Variants in TTC28 observed in about 807,000 individuals in gnomAD.
The protein encoded by TTC28 is tetratricopeptide repeat domain 28, also known as tetratricopeptide repeat protein 28.
A neutral mutation model predicts 198.0 loss-of-function variants in TTC28; 61 were observed. The observed-to-expected ratio is 0.31, with a 90% CI of 0.25 to 0.38. The LOEUF (loss-of-function observed/expected upper bound fraction) is 0.38, where lower values mean the gene tolerates loss of function less well. Ranked by LOEUF, TTC28 falls within the 10% of genes least tolerant of loss-of-function variation. The probability of loss-of-function intolerance (pLI) is 1.00; values close to 1 mark genes in which losing one functional copy is unlikely to be tolerated. For synonymous variants in TTC28, 1,171 were observed against 1,297.8 expected (o/e 0.90, Z 2.10); for missense variants, 2,678 against 3,164.0 (o/e 0.85, Z 3.69).
At chr22:28,315,610 T>C (rs1216552409) in intron 2 of TTC28, among the ~76,000 whole-genome samples, 1 of 152,222 alleles carries the variant, frequency 6.6e-6, no homozygotes, top group Admixed American at 6.5e-5. Context: ...AATGTCCAAT[T>C]GTTCCAATGC....
chr22:28,456,160 GAA>G (rs777082418), intron 2 of TTC28, among the ~76,000 whole-genome samples: 3 of 106,366 alleles, frequency 2.8e-5, no homozygotes. Flanking sequence ...CTCTGTCTCA[GAA>G]AAAAAAAAAA....
chr22:28,311,912 C>A (rs2045265041), intron 2 of TTC28, among the ~76,000 whole-genome samples: 1 of 151,484 alleles, frequency 6.6e-6, no homozygotes, highest in African/African-American at 2.4e-5. Context: ...TACAGACTGG[C>A]AAATTGGATA....
intron 2 of TTC28, among the ~76,000 whole-genome samples, chr22:28,419,205 T>G (rs2047212333): frequency 1.3e-5 from 2 of 152,182 alleles, no homozygotes; most frequent in South Asian, 4.1e-4. Flanking sequence ...ACTCTGTCAA[T>G]ATTTCCTCCA....
intron 2 of TTC28, among the ~76,000 whole-genome samples, chr22:28,610,537 T>C (rs865982229): frequency 3.0e-4 from 46 of 151,990 alleles, no homozygotes; most frequent in African/African-American, 9.4e-4. Flanking sequence ...AGGAATAGCA[T>C]CAACATCAAC....
In TTC28 at chr22:28,096,322, G is replaced by C; in HGVS notation, c.3634C>G (p.Gln1212Glu). 6.4e-7 allele frequency: 1 copy of C among 1,551,990 alleles called. No homozygotes were observed. Among genetic ancestry groups the C allele is most frequent in the Non-Finnish European group, 8.7e-7 (1 of 1,147,040 alleles). ...ACTGGGGAGTAGGGGTCGGAGTCTTGTTGTCCTGTTTGTCGTTCCACCAGA... is the reference window on the plus strand; with the variant it reads ...ACTGGGGAGTAGGGGTCGGAGTCTTCTTGTCCTGTTTGTCGTTCCACCAGA... ...DLLVERQTGQ[Q>E]DSDPYSPVTI... Residue 1212 changes from glutamine to glutamate, a missense_variant, in exon 11 of 23, where the codon CAA (glutamine) becomes GAA (glutamate). Gln to Glu is a conservative substitution (Grantham distance 29). Coordinates refer to ENST00000397906, the MANE Select transcript of TTC28 (RefSeq NM_001145418.2).
chr22:28,056,765 C>T (rs1252462359), intron 12 of TTC28, among the ~76,000 whole-genome samples: 2 of 152,092 alleles, frequency 1.3e-5, no homozygotes, highest in African/African-American at 2.4e-5. Flanking sequence ...TACTTTCATC[C>T]CAGAAAGTTC....
intron 5 of TTC28, among the ~76,000 whole-genome samples, chr22:28,254,325 T>C (rs1024009137): frequency 2.0e-5 from 3 of 151,768 alleles, no homozygotes; most frequent in African/African-American, 7.3e-5. Context: ...AAAACCACAA[T>C]GGAAAAGAAC....
chr22:28,519,320 A>G (rs1286065116), intron 2 of TTC28, among the ~76,000 whole-genome samples: 1 of 152,186 alleles, frequency 6.6e-6, no homozygotes, highest in East Asian at 1.9e-4. Flanking sequence ...ATTTTACTGA[A>G]CTGGAGGATG....
rs534641329 is a variant in TTC28 at position 28,543,883 on chromosome 22, A to G, written c.381+85669T>C. Among the ~76,000 whole-genome samples, 9 of 152,344 alleles carry G rather than the reference A, an allele frequency of 5.9e-5. No homozygotes were observed. The South Asian group carries it at 1.9e-3, about 32-fold the overall frequency. On this transcript the variant is annotated intron_variant, in intron 2 of 22. Coordinates refer to ENST00000397906, the MANE Select transcript of TTC28 (RefSeq NM_001145418.2). ...ATCAAATCCAACAATATCTAAAAAA[A>G]TAATAATACACCATGACCAACTGGG...
intron 2 of TTC28, among the ~76,000 whole-genome samples, chr22:28,506,948 A>G (rs746417587): frequency 8.5e-5 from 13 of 152,234 alleles, no homozygotes; most frequent in Non-Finnish European, 1.3e-4. Context: ...ACCCACAAAG[A>G]TGAGAAAGAA....
chr22:28,630,393 G>A (rs1386046540), intron 1 of TTC28, among the ~76,000 whole-genome samples: 3 of 152,112 alleles, frequency 2.0e-5, no homozygotes, highest in Non-Finnish European at 4.4e-5. Context: ...CAAGCTCCAG[G>A]CACAAGCAAT....
intron 6 of TTC28, among the ~76,000 whole-genome samples, chr22:28,110,911 G>A (rs1159393232): frequency 1.3e-5 from 2 of 151,138 alleles, no homozygotes; most frequent in African/African-American, 4.9e-5. Context: ...CTCCAGCCTG[G>A]GTGACAGAGT....
chr22:28,390,625 G>C (rs1332388225), intron 2 of TTC28, among the ~76,000 whole-genome samples: 1 of 151,972 alleles, frequency 6.6e-6, no homozygotes, highest in Non-Finnish European at 1.5e-5. Flanking sequence ...TTTGATCTTT[G>C]CTGGTTTAAA....
At chr22:28,640,342 G>A in intron 1 of TTC28, among the ~76,000 whole-genome samples, 1 of 146,826 alleles carries the variant, frequency 6.8e-6, no homozygotes, top group African/African-American at 2.5e-5. Context: ...AGCAATAAGA[G>A]ACCTAAGTAA....
At chr22:28,521,240 AAAAAAAAATT>A (rs2048899845) in intron 2 of TTC28, among the ~76,000 whole-genome samples, 1 of 151,746 alleles carries the variant, frequency 6.6e-6, no homozygotes, top group Non-Finnish European at 1.5e-5. Context: ...CTCTACCAAA[AAAAAAAAATT>A]AAAAAAAATT....
At chr22:28,373,598 G>C (rs77356950) in intron 2 of TTC28, among the ~76,000 whole-genome samples, 3 of 152,164 alleles carry the variant, frequency 2.0e-5, no homozygotes, top group African/African-American at 7.2e-5. Flanking sequence ...CATCTAGAGT[G>C]ATAGATTTTA....
chr22:28,395,635 CAA>C (rs66868492), intron 2 of TTC28, among the ~76,000 whole-genome samples: 16 of 100,068 alleles, frequency 1.6e-4, no homozygotes, highest in South Asian at 2.4e-4. Context: ...ACCAAACAAA[CAA>C]AAAAAAAAAA....
intron 14 of TTC28, among the ~76,000 whole-genome samples, chr22:28,012,199 C>T (rs1938190461): frequency 6.6e-6 from 1 of 152,192 alleles, no homozygotes; most frequent in African/African-American, 2.4e-5. Context: ...AGGTATGGCA[C>T]ATAAATCAGG....
intron 12 of TTC28, among the ~76,000 whole-genome samples, chr22:28,062,414 T>C (rs968262181): frequency 2.3e-4 from 6 of 26,474 alleles, no homozygotes; most frequent in African/African-American, 1.7e-3. Context: ...TTAACTCTTC[T>C]TTTTTTTTTT....
Sources: gnomAD v4.1 joint callset for allele counts (sites outside exome capture counted in the v4.1 genomes callset) on GRCh38, gnomAD v4.1.1 for gene constraint, MANE v1.5 for transcripts, NCBI Gene and HGNC (gene_info 2026-07-23, HGNC 2026-07-21) for gene names.